The following CORO2B variants were observed in gnomAD, a reference collection of about 807,000 sequenced individuals.
CORO2B encodes the protein coronin 2B.
Under a neutral mutation model 58.8 loss-of-function variants are expected in CORO2B, and 26 were observed. The ratio of observed to expected loss-of-function variants is 0.44; its 90% confidence interval spans 0.32 to 0.61. The LOEUF (loss-of-function observed/expected upper bound fraction) is 0.61, where lower values mean the gene tolerates loss of function less well. Ranked by LOEUF, CORO2B falls within the 20% of genes least tolerant of loss-of-function variation. CORO2B has a pLI of 0.04. For synonymous variants in CORO2B, 242 were observed against 253.8 expected (o/e 0.95, Z 0.44); for missense variants, 460 against 645.1 (o/e 0.71, Z 3.11).
intron 1 of CORO2B, among the ~76,000 whole-genome samples, chr15:68,644,066 A>G (rs929585974): frequency 6.6e-6 from 1 of 152,160 alleles, no homozygotes; most frequent in African/African-American, 2.4e-5. Context: ...CAACAACAAA[A>G]AAAACCAACT....
At chr15:68,705,436 C>A (rs113735695) in intron 3 of CORO2B, among the ~76,000 whole-genome samples, 155 of 112,736 alleles carry the variant, frequency 1.4e-3, no homozygotes, top group Middle Eastern at 5.0e-3. Context: ...AACTCTATCT[C>A]AAAAAAAAAA....
At chr15:68,709,617 C>T (rs1053295481) in intron 3 of CORO2B, among the ~76,000 whole-genome samples, 4 of 151,894 alleles carry the variant, frequency 2.6e-5, no homozygotes, top group South Asian at 2.1e-4. Context: ...CCACTACACC[C>T]GGCTAATTTT....
At chr15:68,623,785 T>C (rs1900594386) in intron 1 of CORO2B, among the ~76,000 whole-genome samples, 1 of 152,182 alleles carries the variant, frequency 6.6e-6, no homozygotes. Flanking sequence ...TCCCCGTTTG[T>C]GCCACTTGCA....
At chr15:68,585,328 C>T (rs1043310347) in intron 1 of CORO2B, among the ~76,000 whole-genome samples, 1 of 152,158 alleles carries the variant, frequency 6.6e-6, no homozygotes, top group East Asian at 1.9e-4. Flanking sequence ...CTTTTCAATC[C>T]GATCACATAA....
intron 2 of CORO2B, among the ~76,000 whole-genome samples, chr15:68,690,646 C>CTTTTTTTTTTTT (rs765999578): frequency 9.7e-6 from 1 of 102,874 alleles, no homozygotes; most frequent in Non-Finnish European, 2.0e-5. Flanking sequence ...CGTTAGCTTT[C>CTTTTTTTTTTTT]TTTTTTTTTT....
chr15:68,555,979 G>T, the CORO2B span, among the ~76,000 whole-genome samples: 1 of 152,258 alleles, frequency 6.6e-6, no homozygotes, highest in Non-Finnish European at 1.5e-5. Flanking sequence ...AACTGGAAAG[G>T]TTAATCGTGG....
At chr15:68,685,654 T>C (rs1418017011) in intron 2 of CORO2B, among the ~76,000 whole-genome samples, 6 of 152,248 alleles carry the variant, frequency 3.9e-5, no homozygotes, top group Admixed American at 2.6e-4. Flanking sequence ...TCTAGGGTAG[T>C]GGTTCCCAGT....
chr15:68,576,151 G>C (rs1229127745), upstream of CORO2B, among the ~76,000 whole-genome samples: 1 of 2,946 alleles, frequency 3.4e-4, no homozygotes, highest in Non-Finnish European at 9.6e-4. Context: ...AGACTACGTC[G>C]CAAAAAAAAA....
chr15:68,651,856 C>T (rs1901653425), intron 2 of CORO2B, among the ~76,000 whole-genome samples: 2 of 152,244 alleles, frequency 1.3e-5, no homozygotes, highest in African/African-American at 4.8e-5. Flanking sequence ...CCATTTCCTT[C>T]AAAGCCAGCT....
chr15:68,693,089 AC>A (rs1318331237), intron 2 of CORO2B, among the ~76,000 whole-genome samples: 1 of 152,150 alleles, frequency 6.6e-6, no homozygotes, highest in Non-Finnish European at 1.5e-5. Flanking sequence ...ACAACATACA[AC>A]ATCAGTGAAA....
chr15:68,570,057 C>A, the CORO2B span, among the ~76,000 whole-genome samples: 1 of 152,186 alleles, frequency 6.6e-6, no homozygotes. Flanking sequence ...GGGCAAGAGG[C>A]CTTACAGAGG....
chr15:68,724,227 A>G (rs1893237919), intron 11 of CORO2B, among the ~76,000 whole-genome samples: 1 of 152,126 alleles, frequency 6.6e-6, no homozygotes. Context: ...AATAAATAAT[A>G]AAAATAAAAC....
At chr15:68,669,187 G>GAAGCAAGCAAGCAAGCAAGC (rs71455600) in intron 2 of CORO2B, among the ~76,000 whole-genome samples, 4 of 151,536 alleles carry the variant, frequency 2.6e-5, no homozygotes, top group African/African-American at 9.7e-5. Flanking sequence ...AGAAAGAAAG[G>GAAGCAAGCAAGCAAGCAAGC]AAGCAAGCAA....
intron 1 of CORO2B, among the ~76,000 whole-genome samples, chr15:68,612,067 G>A (rs544232639): frequency 6.6e-6 from 1 of 152,262 alleles, no homozygotes; most frequent in African/African-American, 2.4e-5. Flanking sequence ...CACTGCACCC[G>A]GCCTCAACTT....
intron 2 of CORO2B, among the ~76,000 whole-genome samples, chr15:68,663,436 G>C (rs750429667): frequency 1.3e-5 from 2 of 152,172 alleles, no homozygotes; most frequent in African/African-American, 2.4e-5. Flanking sequence ...TAAATGGATA[G>C]TTGAAGAGGT....
intron 1 of CORO2B, among the ~76,000 whole-genome samples, chr15:68,583,986 G>A (rs1899494206): frequency 6.6e-6 from 1 of 152,206 alleles, no homozygotes; most frequent in Non-Finnish European, 1.5e-5. Flanking sequence ...TGGGAGGTGT[G>A]CGGCTAGCAG....
rs978129657 is a variant in CORO2B, at chr15:68,695,018, A to G, written c.217-122A>G. The G allele has an allele frequency of 4.8e-4, 345 of 712,128 alleles. 1 individual carries two copies. The highest frequency in any genetic ancestry group is 5.9e-4 in the Non-Finnish European group (246 of 415,306). 44.1% of individuals were successfully genotyped at this position (712,128 alleles called of 1,614,324 possible). A position where few individuals can be genotyped will look rare whatever the true frequency, so the allele number is the denominator to read the frequency against. On this transcript the variant is annotated intron_variant, in intron 2 of 11. Transcript: ENST00000261861. ...GGGCCCAAAAACAAAAATAAAACAC[A>G]GGTGATTCCTCAAGGACCTTCCAGT...
chr15:68,711,407 C>A (rs796176817), intron 4 of CORO2B, 135 bp from the exon 5 acceptor site: 9 of 656,130 alleles, frequency 1.4e-5, no homozygotes, highest in Non-Finnish European at 2.3e-5. Context: ...AACTCAATGA[C>A]CCCCTCCTGC....
upstream of CORO2B, among the ~76,000 whole-genome samples, chr15:68,575,934 C>T (rs1212890033): frequency 6.6e-6 from 1 of 151,336 alleles, no homozygotes; most frequent in Non-Finnish European, 1.5e-5. Flanking sequence ...GCGGGCAGGT[C>T]ACAAGGTCAG....
Sources: allele counts gnomAD v4.1 joint callset (sites outside exome capture counted in the v4.1 genomes callset), GRCh38; gene constraint gnomAD v4.1.1; transcripts MANE v1.5; gene names NCBI Gene and HGNC (gene_info 2026-07-23, HGNC 2026-07-21).